The following ENPP3 variants were observed in gnomAD, a reference collection of about 807,000 sequenced individuals.
The protein encoded by ENPP3 is ectonucleotide pyrophosphatase/phosphodiesterase family member 3.
A neutral mutation model predicts 117.8 loss-of-function variants in ENPP3; 104 were observed. That is an observed-to-expected ratio of 0.88 (90% CI 0.75 to 1.04). The LOEUF (loss-of-function observed/expected upper bound fraction) is 1.04. Among genes scored for constraint, ENPP3 ranks in the 50% least tolerant of loss-of-function variants. The pLI, the probability that ENPP3 is intolerant of heterozygous loss-of-function variation, is 0.00. For missense variants in ENPP3, 1,026 were observed against 1,051.9 expected (o/e 0.98, Z 0.34); for synonymous variants, 380 against 349.9 (o/e 1.09, Z -0.96).
intron 11 of ENPP3, among the ~76,000 whole-genome samples, chr6:131,679,026 C>CTTTCTTTCT (rs1562446869): frequency 1.5e-4 from 7 of 47,862 alleles, no homozygotes; most frequent in Admixed American, 2.5e-4. Flanking sequence ...TCCTTCCTTC[C>CTTTCTTTCT]TTCTTTCTTT....
At chr6:131,702,045 C>A (rs569488012) in intron 15 of ENPP3, among the ~76,000 whole-genome samples, 2 of 152,008 alleles carry the variant, frequency 1.3e-5, no homozygotes, top group South Asian at 2.1e-4. Context: ...TTGGCTCAGG[C>A]CTTTCAGGGA....
chr6:131,742,930 A>C (rs376649609), intron 24 of ENPP3, among the ~76,000 whole-genome samples: 14 of 152,322 alleles, frequency 9.2e-5, no homozygotes, highest in African/African-American at 3.1e-4. Flanking sequence ...TCTCTATTGA[A>C]TAGGACATCA....
chr6:131,697,797 G>A (rs904271343), intron 15 of ENPP3, among the ~76,000 whole-genome samples: 1 of 152,086 alleles, frequency 6.6e-6, no homozygotes. Context: ...TGTGTGGCCT[G>A]GTTCCTAACA....
intron 15 of ENPP3, 117 bp from the exon 16 acceptor site, chr6:131,718,555 G>A (rs565485950): frequency 1.3e-5 from 6 of 453,534 alleles, no homozygotes; most frequent in African/African-American, 1.2e-4. Context: ...TTATTCTGTT[G>A]TTGATAAAAA....
At chr6:131,651,905 C>G (rs1377563284) in intron 3 of ENPP3, among the ~76,000 whole-genome samples, 1 of 152,192 alleles carries the variant, frequency 6.6e-6, no homozygotes, top group East Asian at 1.9e-4. Flanking sequence ...TGTCTAAGCA[C>G]AAGGCTAACA....
intron 24 of ENPP3, among the ~76,000 whole-genome samples, chr6:131,741,912 G>C (rs1780535205): frequency 6.6e-6 from 1 of 152,122 alleles, no homozygotes; most frequent in Non-Finnish European, 1.5e-5. Flanking sequence ...TCACCATGCT[G>C]TGCACTATAG....
chr6:131,638,865 G>T lies in ENPP3; in HGVS notation c.78+1403G>T, dbSNP rs925409284. Among the ~76,000 whole-genome samples, 5 of 151,364 alleles carry T rather than the reference G, an allele frequency of 3.3e-5. No homozygotes were observed. The East Asian group carries it at 7.8e-4, about 24-fold the overall frequency. On this transcript the variant is annotated intron_variant, in intron 1 of 24. Coordinates refer to ENST00000357639, the MANE Select transcript of ENPP3 (RefSeq NM_005021.5). Reference sequence around the variant, plus strand: ...ATTTTTAGAGACTGGGTCTCGCTATGTTGCCCAGGCTGGTCTTGAACCCTG... The same window carrying T: ...ATTTTTAGAGACTGGGTCTCGCTATTTTGCCCAGGCTGGTCTTGAACCCTG...
intron 9 of ENPP3, among the ~76,000 whole-genome samples, chr6:131,675,855 A>C (rs965506951): frequency 9.9e-5 from 15 of 152,178 alleles, no homozygotes; most frequent in African/African-American, 3.6e-4. Flanking sequence ...TGAATAAAAT[A>C]AAATTAAATA....
intron 5 of ENPP3, among the ~76,000 whole-genome samples, chr6:131,653,612 C>T (rs984255128): frequency 1.3e-4 from 20 of 152,232 alleles, no homozygotes; most frequent in Middle Eastern, 3.4e-3. Context: ...GATAGGGTCT[C>T]GCAATGTTGG....
intron 6 of ENPP3, among the ~76,000 whole-genome samples, chr6:131,668,206 G>GTTTT (rs557047103): frequency 6.6e-4 from 46 of 69,942 alleles, no homozygotes; most frequent in Non-Finnish European, 7.9e-4. Context: ...CTCGCTCTGC[G>GTTTT]TTTTTTTTTT....
rs552619545 is a variant in ENPP3, at chr6:131,729,795, C to G, written c.1953+3595C>G. Among the ~76,000 whole-genome samples, 246 of 152,122 alleles carry G rather than the reference C, an allele frequency of 1.6e-3. 1 individual carries two copies. The highest frequency in any genetic ancestry group is 3.1e-3 in the Non-Finnish European group (214 of 68,002). ...CATCCTCATTCCTAGTACTGATGCA[C>G]TTTTATTTGAGGGTTCAAGTTTGGT... On this transcript the variant is annotated intron_variant, in intron 20 of 24. Coordinates refer to ENST00000357639, the MANE Select transcript of ENPP3 (RefSeq NM_005021.5).
chr6:131,704,524 CT>C, intron 15 of ENPP3, among the ~76,000 whole-genome samples: 1 of 151,532 alleles, frequency 6.6e-6, no homozygotes, highest in African/African-American at 2.4e-5. Flanking sequence ...AAGGATAAAG[CT>C]CTGTAAAAGC....
chr6:131,693,669 T>A, intron 15 of ENPP3, 45 bp downstream of exon 15: 1 of 1,577,732 alleles, frequency 6.3e-7, no homozygotes, highest in South Asian at 1.1e-5. Context: ...TTAATAACCA[T>A]TTGTCATTAT....
chr6:131,670,739 G>A (rs1211849574), intron 6 of ENPP3, among the ~76,000 whole-genome samples: 5 of 152,072 alleles, frequency 3.3e-5, no homozygotes, highest in Admixed American at 1.3e-4. Context: ...GTGATCTGCC[G>A]TCTCAGCCTC....
At chr6:131,733,443 C>T in intron 20 of ENPP3, 145 bp from the exon 21 acceptor site, 1 of 766,092 alleles carries the variant, frequency 1.3e-6, no homozygotes, top group Non-Finnish European at 2.0e-6. Flanking sequence ...TGAAGACATC[C>T]ATTCTCATTG....
chr6:131,722,504 C>G (rs1780058515), intron 18 of ENPP3, 99 bp downstream of exon 18: 1 of 911,680 alleles, frequency 1.1e-6, no homozygotes, highest in African/African-American at 1.7e-5. Flanking sequence ...GGTTTGTGTT[C>G]CGCCTTGGAT....
rs776907351 is a variant in ENPP3 at position 131,674,237 on chromosome 6, TC to T, written c.719del (p.Ser240PhefsTer18). On this transcript the variant is annotated frameshift_variant, in exon 8 of 25. Coordinates refer to ENST00000357639, the MANE Select transcript of ENPP3 (RefSeq NM_005021.5). LOFTEE classifies it high-confidence loss of function. ...DVNLNKNFSL[S>X]SKEQNNPAWW... ...AAATCTCAACAAGAATTTTTCACTT[TC>T]TTCAAAGGAACAAAATAATCCAGCC... 1.2e-6 allele frequency: 2 copies of T among 1,613,134 alleles called. No individual in the cohort carries two copies. Among genetic ancestry groups the T allele is most frequent in the African/African-American group, 2.7e-5 (2 of 75,008 alleles).
chr6:131,724,515 A>G (rs1177372298), intron 19 of ENPP3, among the ~76,000 whole-genome samples: 1 of 152,210 alleles, frequency 6.6e-6, no homozygotes, highest in Admixed American at 6.5e-5. Context: ...AAAAGTTAAT[A>G]CATGGAAAGA....
At position 131,733,623 on chromosome 6, in the gene ENPP3, C is replaced by CT; in HGVS notation, c.1990dup (p.Cys664LeufsTer5). 6.2e-7 allele frequency: 1 copy of CT among 1,614,136 alleles called. No individual in the cohort carries two copies. The highest frequency in any genetic ancestry group is 8.5e-7 in the Non-Finnish European group (1 of 1,179,978). The stretch of plus-strand genomic sequence containing the variant: ...CGCCTCTGCCTCCCACTGTCCCAGA[C>CT]TGTCTGCGGGCTGATGTCAGGGTTC... On this transcript the variant is annotated frameshift_variant, in exon 21 of 25. Coordinates refer to ENST00000357639, the MANE Select transcript of ENPP3 (RefSeq NM_005021.5). LOFTEE classifies it high-confidence loss of function.
Sources: allele counts gnomAD v4.1 joint callset (sites outside exome capture counted in the v4.1 genomes callset), GRCh38; gene constraint gnomAD v4.1.1; transcripts MANE v1.5; gene names NCBI Gene and HGNC (gene_info 2026-07-23, HGNC 2026-07-21).